Variants in LIMS1 observed in about 807,000 individuals in gnomAD.
The protein encoded by LIMS1 is LIM and senescent cell antigen-like-containing domain protein 1.
LIMS1 carries 18 observed loss-of-function variants against 44.1 expected under a neutral mutation model. The ratio of observed to expected loss-of-function variants is 0.41; its 90% CI spans 0.28 to 0.61. LIMS1 has a LOEUF of 0.61. LIMS1 is among the 20% of genes least tolerant of loss of function. The pLI is 0.32. For missense variants in LIMS1, 201 were observed against 422.0 expected (o/e 0.48, Z 4.59); for synonymous variants, 93 against 149.1 (o/e 0.62, Z 2.74).
intron 1 of LIMS1, among the ~76,000 whole-genome samples, chr2:108,605,493 A>G (rs1687223569): frequency 6.6e-6 from 1 of 152,216 alleles, no homozygotes; most frequent in Non-Finnish European, 1.5e-5. Context: ...AAATTTTTTA[A>G]AATTTTCCAT....
chr2:108,612,363 G>A (rs1329634305), intron 1 of LIMS1, among the ~76,000 whole-genome samples: 4 of 151,996 alleles, frequency 2.6e-5, no homozygotes. Context: ...ATACACCCAC[G>A]CTCTCCTGAA....
chr2:108,535,595 C>T (rs1374077397), intron 1 of LIMS1, among the ~76,000 whole-genome samples: 3 of 152,318 alleles, frequency 2.0e-5, no homozygotes, highest in Admixed American at 2.0e-4. Context: ...CAAGCTGACG[C>T]ATTTCATTAA....
intron 1 of LIMS1, among the ~76,000 whole-genome samples, chr2:108,617,089 C>T (rs990030927): frequency 1.3e-5 from 2 of 152,142 alleles, no homozygotes; most frequent in Non-Finnish European, 2.9e-5. Context: ...AACCAGTTTA[C>T]GAGCCATTAG....
intron 1 of LIMS1, among the ~76,000 whole-genome samples, chr2:108,656,151 T>G (rs1259736937): frequency 4.2e-5 from 6 of 142,652 alleles, no homozygotes; most frequent in Admixed American, 3.7e-4. Flanking sequence ...AGAAGATTTT[T>G]GGATTTATAC....
chr2:108,588,423 T>G, intron 1 of LIMS1: 4 of 985,410 alleles, frequency 4.1e-6, no homozygotes, highest in Non-Finnish European at 4.8e-6. Context: ...CAAGCCCTGA[T>G]AAGTAAGTTA....
At chr2:108,584,860 A>G (rs2104664678) in intron 1 of LIMS1, among the ~76,000 whole-genome samples, 1 of 152,024 alleles carries the variant, frequency 6.6e-6, no homozygotes, top group East Asian at 1.9e-4. Context: ...ACATAGATGG[A>G]GCCAGGTAGG....
At chr2:108,676,791 A>C in intron 7 of LIMS1, 93 bp downstream of exon 7, 1 of 792,564 alleles carries the variant, frequency 1.3e-6, no homozygotes, top group Middle Eastern at 3.7e-4. Flanking sequence ...GAAGATGTAC[A>C]TTGTTCAGTA....
intron 2 of LIMS1, among the ~76,000 whole-genome samples, chr2:108,669,330 C>T (rs921400405): frequency 2.0e-5 from 3 of 151,998 alleles, no homozygotes; most frequent in Non-Finnish European, 4.4e-5. Context: ...ATCGCCTGAA[C>T]CCAAGAGGCA....
chr2:108,601,891 C>T (rs1687036275), intron 1 of LIMS1, among the ~76,000 whole-genome samples: 1 of 152,196 alleles, frequency 6.6e-6, no homozygotes, highest in Non-Finnish European at 1.5e-5. Flanking sequence ...CTATAAATTG[C>T]TTTGAGTAGT....
intron 1 of LIMS1, among the ~76,000 whole-genome samples, chr2:108,649,966 TAATAA>T (rs567779445): frequency 1.6e-4 from 25 of 152,152 alleles, no homozygotes; most frequent in Non-Finnish European, 3.5e-4. Flanking sequence ...ACTTGAAGTA[TAATAA>T]AATAAATACT....
chr2:108,594,042 A>G (rs1328634004), intron 1 of LIMS1, among the ~76,000 whole-genome samples: 2 of 152,190 alleles, frequency 1.3e-5, no homozygotes, highest in Non-Finnish European at 2.9e-5. Context: ...GCAGTGAGCT[A>G]CTGGTAACAG....
Position 108,579,585 on chromosome 2 carries a change from C to T in LIMS1, c.32+44991C>T, listed in dbSNP as rs561976447. On this transcript the variant is annotated intron_variant, in intron 1 of 9. Coordinates refer to ENST00000544547, the Ensembl canonical transcript of LIMS1. ...GAATTTAATATTGGATGCCTAGAGT[C>T]TCTTGATTCCAGAGAAATACATTTA... Among the ~76,000 whole-genome samples, 28 of 152,334 alleles carry T rather than the reference C, an allele frequency of 1.8e-4. No homozygotes were observed. In the South Asian group the frequency reaches 5.6e-3, roughly 30 times the overall value.
intron 1 of LIMS1, among the ~76,000 whole-genome samples, chr2:108,618,458 C>T (rs1311993721): frequency 6.6e-6 from 1 of 152,126 alleles, no homozygotes; most frequent in African/African-American, 2.4e-5. Context: ...CTTCCCTGTG[C>T]TGATGTGCTG....
chr2:108,658,786 C>T (rs1691104958), intron 1 of LIMS1, among the ~76,000 whole-genome samples: 1 of 152,308 alleles, frequency 6.6e-6, no homozygotes, highest in South Asian at 2.1e-4. Context: ...CTTTCCTAAC[C>T]TATGAAACGT....
intron 1 of LIMS1, chr2:108,621,498 A>T: frequency 6.9e-7 from 1 of 1,443,896 alleles, no homozygotes; most frequent in Non-Finnish European, 9.5e-7. Context: ...AGGTCAAGAC[A>T]TCTAATCTAG....
chr2:108,642,348 T>G (rs1558823999), intron 1 of LIMS1, among the ~76,000 whole-genome samples: 1 of 9,236 alleles, frequency 1.1e-4, no homozygotes, highest in Non-Finnish European at 2.9e-4. Flanking sequence ...TTTTGTTTTT[T>G]TTTTTTTTTG....
chr2:108,551,154 C>G (rs983037558), intron 1 of LIMS1, among the ~76,000 whole-genome samples: 1 of 151,806 alleles, frequency 6.6e-6, no homozygotes, highest in Non-Finnish European at 1.5e-5. Flanking sequence ...TCACACACAG[C>G]TTCGTTGAAG....
intron 1 of LIMS1, among the ~76,000 whole-genome samples, chr2:108,594,928 G>T (rs186978853): frequency 2.6e-5 from 4 of 152,004 alleles, no homozygotes; most frequent in African/African-American, 9.7e-5. Flanking sequence ...AAAAAAAATC[G>T]AATGTAGAGG....
At chr2:108,540,936 T>C (rs1045541682) in intron 1 of LIMS1, among the ~76,000 whole-genome samples, 1 of 152,230 alleles carries the variant, frequency 6.6e-6, no homozygotes, top group African/African-American at 2.4e-5. Flanking sequence ...GTCTACAGTA[T>C]AGAGTAAATA....
Sources: allele counts gnomAD v4.1 joint callset (sites outside exome capture counted in the v4.1 genomes callset), GRCh38; gene constraint gnomAD v4.1.1; transcripts MANE v1.5; gene names NCBI Gene and HGNC (gene_info 2026-07-23, HGNC 2026-07-21).